The following LPCAT3 variants were observed in gnomAD, a reference collection of about 807,000 sequenced individuals.
LPCAT3 encodes lysophospholipid acyltransferase 5.
In LPCAT3, 21 loss-of-function variants were observed where a neutral mutation model predicts 63.4. The observed-to-expected ratio is 0.33, with a 90% CI of 0.23 to 0.48. The LOEUF is 0.48. Ranked by LOEUF, LPCAT3 falls within the 20% of genes least tolerant of loss-of-function variation. LPCAT3 has a pLI of 0.99. For missense variants in LPCAT3, 451 were observed against 590.6 expected (o/e 0.76, Z 2.45); for synonymous variants, 242 against 227.5 (o/e 1.06, Z -0.58).
At chr12:6,990,904 G>A (rs1474341338) in intron 1 of LPCAT3, among the ~76,000 whole-genome samples, 1 of 122,210 alleles carries the variant, frequency 8.2e-6, no homozygotes, top group Admixed American at 9.0e-5. Context: ...GCAACAGAGC[G>A]AGACTCCAAA....
intron 4 of LPCAT3, 83 bp downstream of exon 4, chr12:6,981,728 C>CGGGGGGGGG: frequency 5.6e-6 from 1 of 177,408 alleles, no homozygotes; most frequent in Non-Finnish European, 1.1e-5. Flanking sequence ...TGGCGGGGGG[C>CGGGGGGGGG]GGAGGGGGGG....
intron 1 of LPCAT3, among the ~76,000 whole-genome samples, chr12:6,996,033 C>T (rs782447408): frequency 6.6e-6 from 1 of 152,280 alleles, no homozygotes; most frequent in South Asian, 2.1e-4. Flanking sequence ...CACTCCTCTG[C>T]TCAAAGCCCT....
At position 7,018,302 on chromosome 12, in the gene LPCAT3, C is replaced by G; in HGVS notation, c.123G>C (p.Ala41=). 1.2e-6 allele frequency: 2 copies of G among 1,606,932 alleles called. No homozygotes were observed. Among genetic ancestry groups the G allele is most frequent in the Non-Finnish European group, 8.5e-7 (1 of 1,177,182 alleles). ...LATSLGASEQ[A]LRLIISIFLG... ...GGAAGATGGAGATGATCAGCCGCAGCGCCTGTTCTGACGCGCCCAGGGACG... is the reference window on the plus strand; with the variant it reads ...GGAAGATGGAGATGATCAGCCGCAGGGCCTGTTCTGACGCGCCCAGGGACG... The change falls in exon 1 of 13, where the codon GCG becomes GCC. Residue 41 remains alanine, a synonymous_variant. Coordinates refer to ENST00000261407, the MANE Select transcript of LPCAT3 (RefSeq NM_005768.6). The surrounding 1 kb of genome is among the most constrained non-coding windows in gnomAD (Gnocchi z 4.9).
chr12:6,997,727 C>T (rs1346723704), intron 1 of LPCAT3, among the ~76,000 whole-genome samples: 1 of 151,892 alleles, frequency 6.6e-6, no homozygotes, highest in Non-Finnish European at 1.5e-5. Context: ...GCTGGGATTA[C>T]AGGCAGGCGC....
intron 1 of LPCAT3, among the ~76,000 whole-genome samples, chr12:7,014,830 T>C (rs1227834249): frequency 6.7e-6 from 1 of 148,440 alleles, no homozygotes; most frequent in Non-Finnish European, 1.5e-5. Context: ...GAGGCGGAGG[T>C]TGCAATGAGC....
chr12:6,977,797 C>T lies in LPCAT3; in HGVS notation c.1041-52G>A, dbSNP rs782170987. The T allele has an allele frequency of 4.4e-6, 7 of 1,604,624 alleles. No individual in the cohort carries two copies. Among genetic ancestry groups the T allele is most frequent in the Non-Finnish European group, 6.0e-6 (7 of 1,173,780 alleles). The stretch of plus-strand genomic sequence containing the variant: ...CCTCAAACTGACTGGTCCTTGCATC[C>T]CGCCACCTGCCTCTGGGTCCTCACC... On this transcript the variant is annotated intron_variant, in intron 9 of 12. Transcript: ENST00000261407. The surrounding 1 kb of genome is among the most constrained non-coding windows in gnomAD (Gnocchi z 4.5).
intron 1 of LPCAT3, chr12:7,001,381 T>C: frequency 2.2e-6 from 1 of 453,928 alleles, no homozygotes; most frequent in Non-Finnish European, 4.4e-6. Flanking sequence ...AAATCCTAGA[T>C]TTAAAAAAAA....
At position 7,006,231 on chromosome 12, in the gene LPCAT3, T is replaced by C. The variant is rs910112224; in HGVS notation, c.151+12043A>G. Among the ~76,000 whole-genome samples, 13 of 152,266 alleles carry C rather than the reference T, an allele frequency of 8.5e-5. 1 individual carries two copies. The highest frequency in any genetic ancestry group is 3.9e-4 in the Admixed American group (6 of 15,298). On this transcript the variant is annotated intron_variant, in intron 1 of 12. Transcript: ENST00000261407. ...GACATTGGTCAGTTTACTTGGGAAG[T>C]TGACCATATGTTTTTTGTTTGTTTT...
chr12:6,994,267 G>A (rs1946615972), intron 1 of LPCAT3, among the ~76,000 whole-genome samples: 1 of 152,168 alleles, frequency 6.6e-6, no homozygotes, highest in South Asian at 2.1e-4. Flanking sequence ...AAGTGCAGTG[G>A]CATGATCTTG....
intron 1 of LPCAT3, among the ~76,000 whole-genome samples, chr12:7,004,610 A>G (rs1555156749): frequency 6.6e-6 from 1 of 152,192 alleles, no homozygotes; most frequent in African/African-American, 2.4e-5. Flanking sequence ...CCTTCCCCAG[A>G]TGACTACAAA....
intron 1 of LPCAT3, among the ~76,000 whole-genome samples, chr12:7,003,359 G>GTTTTTTTTTTTTTTT (rs200605460): frequency 7.2e-6 from 1 of 137,978 alleles, no homozygotes; most frequent in African/African-American, 2.6e-5. Flanking sequence ...AGTAGGGTGA[G>GTTTTTTTTTTTTTTT]TTTTTTTTTT....
Position 6,980,814 on chromosome 12 carries a change from A to G in LPCAT3, c.677+190T>C, listed in dbSNP as rs1591546542. The G allele has an allele frequency of 1.3e-5, 6 of 459,062 alleles. No homozygotes were observed. In the East Asian group the frequency reaches 1.7e-4, roughly 13 times the overall value. The allele number at this position is 459,062 out of a possible 1,614,324, so 28.4% of individuals were successfully genotyped here. ...TTTTTATGTTTGTACTAGTGTTAGA[A>G]TGGATAACTGGAAGAACCCTAAACT... On this transcript the variant is annotated intron_variant, in intron 6 of 12. Coordinates refer to ENST00000261407, the MANE Select transcript of LPCAT3 (RefSeq NM_005768.6).
chr12:7,001,542 T>G (rs192555307), intron 1 of LPCAT3: 1 of 455,966 alleles, frequency 2.2e-6, no homozygotes, highest in Non-Finnish European at 4.4e-6. Flanking sequence ...GGAGGGGTTA[T>G]TTGGCGCGGT....
chr12:6,982,954 T>C, intron 2 of LPCAT3, 172 bp from the exon 3 acceptor site: 2 of 671,382 alleles, frequency 3.0e-6, no homozygotes, highest in Non-Finnish European at 5.4e-6. Flanking sequence ...TAAAAAAGAT[T>C]ATTAGGGTGT....
chr12:6,985,111 G>C (rs1946508721), intron 1 of LPCAT3, among the ~76,000 whole-genome samples: 1 of 132,946 alleles, frequency 7.5e-6, no homozygotes, highest in Admixed American at 7.8e-5. Context: ...AAAAAAAAAG[G>C]CTGGGCGCGG....
intron 1 of LPCAT3, among the ~76,000 whole-genome samples, chr12:6,994,366 C>A (rs1391894542): frequency 6.6e-6 from 1 of 151,972 alleles, no homozygotes; most frequent in Non-Finnish European, 1.5e-5. Context: ...CACCACCATG[C>A]CCAGCTAATT....
At chr12:7,008,971 T>A (rs1252031117) in intron 1 of LPCAT3, among the ~76,000 whole-genome samples, 8 of 152,216 alleles carry the variant, frequency 5.3e-5, no homozygotes, top group Admixed American at 4.6e-4. Flanking sequence ...AGCAAGTTAC[T>A]CAATTTTTGT....
chr12:6,979,362 T>C, intron 7 of LPCAT3, 109 bp downstream of exon 7: 2 of 799,418 alleles, frequency 2.5e-6, no homozygotes, highest in Non-Finnish European at 2.1e-6. Context: ...AAAACCAACA[T>C]GCACTTGTAG....
intron 1 of LPCAT3, among the ~76,000 whole-genome samples, chr12:7,009,535 C>T (rs1396772166): frequency 6.6e-6 from 1 of 152,120 alleles, no homozygotes; most frequent in African/African-American, 2.4e-5. Context: ...TTGGAGTAGA[C>T]CAAAGAATCT....
Sources: allele counts gnomAD v4.1 joint callset (sites outside exome capture counted in the v4.1 genomes callset), GRCh38; gene constraint gnomAD v4.1.1; non-coding constraint Gnocchi (gnomAD v3.1); transcripts MANE v1.5; gene names NCBI Gene and HGNC (gene_info 2026-07-23, HGNC 2026-07-21).